Variants in ABR observed in about 807,000 individuals in gnomAD.
ABR encodes active breakpoint cluster region-related protein.
A neutral mutation model predicts 107.2 loss-of-function variants in ABR; 35 were observed. That is an observed-to-expected ratio of 0.33 (90% CI 0.25 to 0.43). The LOEUF (loss-of-function observed/expected upper bound fraction) is 0.43, where lower values mean the gene tolerates loss of function less well. Ranked by LOEUF, ABR falls within the 20% of genes least tolerant of loss-of-function variation. The pLI, the probability that ABR is intolerant of heterozygous loss-of-function variation, is 1.00. For missense variants in ABR, 815 were observed against 1,115.2 expected (o/e 0.73, Z 3.83); for synonymous variants, 498 against 462.0 (o/e 1.08, Z -1.00).
chr17:1,012,845 C>T (rs771173534), intron 17 of ABR, 48 bp from the exon 18 acceptor site: 27 of 1,461,674 alleles, frequency 1.8e-5, no homozygotes, highest in Admixed American at 9.8e-5. Flanking sequence ...TGTGAGTGCC[C>T]GAGGAATGCC....
At chr17:1,207,739 CTT>C (rs2042819880) in intron 1 of ABR, among the ~76,000 whole-genome samples, 1 of 151,226 alleles carries the variant, frequency 6.6e-6, no homozygotes, top group Non-Finnish European at 1.5e-5. Context: ...CACAGCCTCT[CTT>C]AGAAGATCAG....
At position 1,005,977 on chromosome 17, in the gene ABR, G is replaced by C; in HGVS notation, c.*103C>G. On this transcript the variant is annotated 3_prime_UTR_variant, in exon 23 of 23. Coordinates refer to ENST00000302538, the MANE Select transcript of ABR (RefSeq NM_021962.5). Reference sequence around the variant, plus strand: ...GAAGCTGGCTTCCCTCGAGTCTGGAGTGCTGGGTTTGGGAGTTTTCTATTG... The same window carrying C: ...GAAGCTGGCTTCCCTCGAGTCTGGACTGCTGGGTTTGGGAGTTTTCTATTG... The C allele has an allele frequency of 9.2e-7, 1 of 1,084,484 alleles. No homozygotes were observed. The highest frequency in any genetic ancestry group is 1.4e-6 in the Non-Finnish European group (1 of 727,538). 67.2% of individuals were successfully genotyped at this position (1,084,484 alleles called of 1,614,324 possible).
rs116061728 is a variant in ABR, at chr17:1,071,724, G to A, written c.894+890C>T. On this transcript the variant is annotated intron_variant, in intron 8 of 22. Coordinates refer to ENST00000302538, the MANE Select transcript of ABR (RefSeq NM_021962.5). This position sits in a 1 kb window ranked among gnomAD's most constrained non-coding sequence, Gnocchi z 5.1. ...CCTTCGCTTCCTAGGAGACCCTGAC[G>A]GCATCACACTGGCCAGAGGCAGGTG... 0.014 allele frequency among the ~76,000 whole-genome samples: 2,194 copies of A among 152,326 alleles called. 59 individuals carry two copies. Among genetic ancestry groups the A allele is most frequent in the African/African-American group, 0.05 (2,061 of 41,564 alleles).
intron 2 of ABR, among the ~76,000 whole-genome samples, chr17:1,121,408 C>T (rs7220097): frequency 0.019 from 2,831 of 152,342 alleles, 82 homozygotes; most frequent in African/African-American, 0.064. Flanking sequence ...CTAAACCTGG[C>T]GAGAAAAGTC....
intron 10 of ABR, among the ~76,000 whole-genome samples, chr17:1,064,945 CTA>C (rs2034540265): frequency 9.8e-6 from 1 of 102,472 alleles, no homozygotes; most frequent in East Asian, 2.8e-4. Context: ...GAACTGAGGG[CTA>C]TGCATGTTCC....
intron 16 of ABR, among the ~76,000 whole-genome samples, chr17:1,030,106 C>T (rs1209636818): frequency 6.6e-6 from 1 of 152,220 alleles, no homozygotes; most frequent in East Asian, 1.9e-4. Context: ...CCAGAGATCC[C>T]CATCAGACAC....
intron 1 of ABR, among the ~76,000 whole-genome samples, chr17:1,137,054 CTT>C (rs1262288119): frequency 6.7e-6 from 1 of 148,572 alleles, no homozygotes; most frequent in African/African-American, 2.5e-5. Context: ...CTCTCTCCCT[CTT>C]TCTTTCTTTT....
chr17:1,076,779 G>T (rs2035772368), intron 6 of ABR, among the ~76,000 whole-genome samples: 1 of 150,270 alleles, frequency 6.7e-6, no homozygotes, highest in Admixed American at 6.6e-5. Context: ...GGAACCGGGG[G>T]AATAAGAGCG....
intron 1 of ABR, among the ~76,000 whole-genome samples, chr17:1,162,208 C>T (rs34585505): frequency 0.62 from 94,815 of 152,180 alleles, 34,934 homozygotes; most frequent in Non-Finnish European, 0.84. Flanking sequence ...CTTACTCTGG[C>T]AGAGAACAGC....
At chr17:1,021,152 G>T (rs1344721890) in intron 16 of ABR, among the ~76,000 whole-genome samples, 6 of 152,186 alleles carry the variant, frequency 3.9e-5, no homozygotes, top group Admixed American at 3.3e-4. Flanking sequence ...GGCCACTGGG[G>T]GTCTCAGTGG....
rs938292248 is a variant in ABR at position 1,078,007 on chromosome 17, T to A, written c.700+1323A>T. On this transcript the variant is annotated intron_variant, in intron 6 of 22. Transcript: ENST00000302538. This position sits in a 1 kb window ranked among gnomAD's most constrained non-coding sequence, Gnocchi z 7.5. ...TTCATCCTCCTACGACCGACAGTCG[T>A]GTTGATGACATGCACCTGTCCCGGG... 2.8e-5 allele frequency among the ~76,000 whole-genome samples: 4 copies of A among 145,324 alleles called. No individual in the cohort carries two copies. The highest frequency in any genetic ancestry group is 4.5e-5 in the Non-Finnish European group (3 of 66,572).
chr17:1,034,856 C>T (rs1555541563), intron 16 of ABR, among the ~76,000 whole-genome samples: 11 of 152,122 alleles, frequency 7.2e-5, no homozygotes, highest in Admixed American at 7.2e-4. Context: ...CCCTCCCTGC[C>T]GCCGGGTGTG....
chr17:1,051,952 T>G lies in ABR; in HGVS notation c.1562-1318A>C, dbSNP rs11657511. Reference sequence around the variant, plus strand: ...AGCCCGGCGTGGTGGCACATGCCTGTAGTCCCAGCTACTCGGGAGGCTGAG... The same window carrying G: ...AGCCCGGCGTGGTGGCACATGCCTGGAGTCCCAGCTACTCGGGAGGCTGAG... On this transcript the variant is annotated intron_variant, in intron 14 of 22. Coordinates refer to ENST00000302538, the MANE Select transcript of ABR (RefSeq NM_021962.5). The surrounding 1 kb of genome is among the most constrained non-coding windows in gnomAD (Gnocchi z 4.3). 0.12 allele frequency among the ~76,000 whole-genome samples: 18,670 copies of G among 152,060 alleles called. 1,492 individuals are homozygous for G. The highest frequency in any genetic ancestry group is 0.18 in the Non-Finnish European group (12,327 of 67,980).
chr17:1,063,518 T>G (rs1320404044), intron 10 of ABR, among the ~76,000 whole-genome samples: 2 of 144,420 alleles, frequency 1.4e-5, no homozygotes, highest in African/African-American at 2.5e-5. Context: ...CTAGACACTG[T>G]TGTTATGTGA....
intron 1 of ABR, among the ~76,000 whole-genome samples, chr17:1,202,131 G>A (rs962326708): frequency 2.0e-5 from 3 of 151,716 alleles, no homozygotes; most frequent in Non-Finnish European, 1.5e-5. Flanking sequence ...TTTATTTTTC[G>A]AAACAGAGTC....
In ABR at chr17:1,012,809, G is replaced by T. The variant is rs751708309; in HGVS notation, c.1852-12C>A. The T allele has an allele frequency of 2.6e-6, 4 of 1,560,268 alleles. No homozygotes were observed. Among genetic ancestry groups the T allele is most frequent in the Middle Eastern group, 1.7e-4 (1 of 5,946 alleles). On this transcript the variant is annotated splice_polypyrimidine_tract_variant and intron_variant, in intron 17 of 22. Transcript: ENST00000302538. ...AATTCCACTTTGATCTGGTTGGGGG[G>T]TGAGGCAGGTAAAGATTCCCCAGGG... is the stretch of plus-strand genomic sequence containing the variant.
chr17:1,013,623 T>A (rs926211004), intron 16 of ABR, among the ~76,000 whole-genome samples: 1 of 152,228 alleles, frequency 6.6e-6, no homozygotes, highest in African/African-American at 2.4e-5. Flanking sequence ...CGTGGAGGTG[T>A]TGAAGAGTCA....
chr17:1,054,868 C>A (rs1262412800), intron 14 of ABR, among the ~76,000 whole-genome samples: 1 of 152,012 alleles, frequency 6.6e-6, no homozygotes, highest in African/African-American at 2.4e-5. Flanking sequence ...TGGGGCGCTG[C>A]AGGGAGGGGT....
chr17:1,012,409 G>GC (rs1567566359), intron 18 of ABR: 2 of 673,086 alleles, frequency 3.0e-6, no homozygotes, highest in Admixed American at 2.0e-5. Context: ...CCAAACGTAG[G>GC]CCCCCGGCTG....
Sources: gnomAD v4.1 joint callset for allele counts (sites outside exome capture counted in the v4.1 genomes callset) on GRCh38, gnomAD v4.1.1 for gene constraint, Gnocchi (gnomAD v3.1) non-coding constraint, MANE v1.5 for transcripts, NCBI Gene and HGNC (gene_info 2026-07-23, HGNC 2026-07-21) for gene names.